KLHL1: variants seen among roughly 807,000 people sequenced by gnomAD.
The protein encoded by KLHL1 is kelch-like protein 1.
KLHL1 carries 47 observed loss-of-function variants against 77.7 expected under a neutral mutation model. The observed-to-expected ratio is 0.60, with a 90% CI of 0.48 to 0.77. The LOEUF (loss-of-function observed/expected upper bound fraction) is 0.77. Among genes scored for constraint, KLHL1 ranks in the 30% least tolerant of loss-of-function variants. The pLI is 0.00. For missense variants in KLHL1, 925 were observed against 910.8 expected (o/e 1.02, Z -0.20); for synonymous variants, 360 against 325.2 (o/e 1.11, Z -1.15).
chr13:69,921,131 A>T (rs1882619074), intron 4 of KLHL1, among the ~76,000 whole-genome samples: 2 of 152,192 alleles, frequency 1.3e-5, no homozygotes, highest in African/African-American at 4.8e-5. Context: ...ACAGAGTTGC[A>T]ATTATAATAG....
At chr13:69,771,590 C>T (rs1875565591) in intron 7 of KLHL1, among the ~76,000 whole-genome samples, 4 of 152,140 alleles carry the variant, frequency 2.6e-5, no homozygotes. Flanking sequence ...CATAGATTCA[C>T]TTTAGCCGCT....
rs1296367083 is a variant in KLHL1, at chr13:69,771,928, T to C, written c.1639+24810A>G. On this transcript the variant is annotated intron_variant, in intron 7 of 10. Coordinates refer to ENST00000377844, the MANE Select transcript of KLHL1 (RefSeq NM_020866.3). ...GTATATCTTTGTAGTATTGCAAGAC[T>C]TATCAATAAATAGTATAATAATAAT... is the stretch of plus-strand genomic sequence containing the variant. Among the ~76,000 whole-genome samples the C allele has an allele frequency of 2.0e-5, 3 of 152,160 alleles. No individual in the cohort carries two copies. The East Asian group carries it at 5.8e-4, about 29-fold the overall frequency.
intron 5 of KLHL1, among the ~76,000 whole-genome samples, chr13:69,869,502 T>C (rs975688071): frequency 2.0e-5 from 3 of 152,158 alleles, no homozygotes; most frequent in Non-Finnish European, 2.9e-5. Flanking sequence ...CTTTTAACAA[T>C]AGCAGTGTAG....
At chr13:70,058,638 A>G (rs926161354) in intron 1 of KLHL1, among the ~76,000 whole-genome samples, 1 of 152,196 alleles carries the variant, frequency 6.6e-6, no homozygotes, top group Non-Finnish European at 1.5e-5. Flanking sequence ...AAAATGTACT[A>G]CACAAGCAAT....
At chr13:69,990,747 T>C (rs556548202) in intron 1 of KLHL1, among the ~76,000 whole-genome samples, 30 of 152,056 alleles carry the variant, frequency 2.0e-4, no homozygotes, top group East Asian at 1.2e-3. Flanking sequence ...AGACAGATCA[T>C]TGAGGCAGAA....
intron 1 of KLHL1, among the ~76,000 whole-genome samples, chr13:69,991,812 C>G (rs1885036340): frequency 6.6e-6 from 1 of 151,918 alleles, no homozygotes; most frequent in South Asian, 2.1e-4. Flanking sequence ...TGAAGCCACT[C>G]AAGTGAGAGC....
At chr13:70,106,630 A>G (rs566615453) in intron 1 of KLHL1, among the ~76,000 whole-genome samples, 1 of 152,370 alleles carries the variant, frequency 6.6e-6, no homozygotes, top group East Asian at 1.9e-4. Context: ...GTGAACACAA[A>G]GTAAAAGGAC....
intron 1 of KLHL1, among the ~76,000 whole-genome samples, chr13:70,009,800 G>A (rs184383039): frequency 2.3e-4 from 35 of 152,036 alleles, no homozygotes; most frequent in Admixed American, 3.3e-4. Context: ...TTGCCAATTT[G>A]GATCCATAGT....
intron 7 of KLHL1, among the ~76,000 whole-genome samples, chr13:69,776,582 G>A (rs976488726): frequency 6.6e-6 from 1 of 152,054 alleles, no homozygotes; most frequent in African/African-American, 2.4e-5. Flanking sequence ...CATAGAGTTG[G>A]CAACTATTAG....
rs554956023 is a variant in KLHL1 at position 70,068,673 on chromosome 13, G to A, written c.497+38530C>T. On this transcript the variant is annotated intron_variant, in intron 1 of 10. Transcript: ENST00000377844. ...CTGTTTATCCCTAAAAATCTAAATC[G>A]CTTGTGGCTTTATGTTAATTCTGAT... 3.3e-5 allele frequency among the ~76,000 whole-genome samples: 5 copies of A among 152,186 alleles called. No homozygotes were observed. The East Asian group carries it at 5.8e-4, about 18-fold the overall frequency.
At chr13:69,858,163 TGTC>T (rs1879994551) in intron 5 of KLHL1, among the ~76,000 whole-genome samples, 1 of 152,008 alleles carries the variant, frequency 6.6e-6, no homozygotes, top group South Asian at 2.1e-4. Flanking sequence ...ATTTCAGCCA[TGTC>T]GTCCAGGACC....
intron 1 of KLHL1, among the ~76,000 whole-genome samples, chr13:70,073,279 A>G (rs895189239): frequency 1.2e-4 from 18 of 152,082 alleles, no homozygotes; most frequent in Non-Finnish European, 2.6e-4. Context: ...GAAACTGGAA[A>G]CCATCATTCT....
intron 1 of KLHL1, among the ~76,000 whole-genome samples, chr13:70,070,604 G>A (rs1421810235): frequency 6.6e-6 from 1 of 151,968 alleles, no homozygotes; most frequent in Non-Finnish European, 1.5e-5. Flanking sequence ...TCATAAGAAT[G>A]TTAAAGAAGT....
At chr13:69,738,229 C>A (rs1431785882) in intron 8 of KLHL1, among the ~76,000 whole-genome samples, 1 of 152,110 alleles carries the variant, frequency 6.6e-6, no homozygotes, top group Admixed American at 6.6e-5. Context: ...CCCATAAAAA[C>A]CCCATCCAAC....
intron 1 of KLHL1, among the ~76,000 whole-genome samples, chr13:70,104,334 A>T (rs1467787423): frequency 6.6e-6 from 1 of 152,112 alleles, no homozygotes; most frequent in African/African-American, 2.4e-5. Flanking sequence ...TAAGGTAAGA[A>T]AAAGGTTGGG....
rs1876421157 is a variant in KLHL1, at chr13:69,784,757, T to C, written c.1639+11981A>G. ...AATGGGAGACTTTAACACCCCACTG[T>C]CAATATTAGACAGATCAACGAGACA... On this transcript the variant is annotated intron_variant, in intron 7 of 10. Transcript: ENST00000377844. Among the ~76,000 whole-genome samples the C allele has an allele frequency of 3.3e-5, 5 of 151,808 alleles. No homozygotes were observed. The South Asian group carries it at 1.0e-3, about 32-fold the overall frequency.
chr13:69,984,661 A>C (rs1884813124), intron 1 of KLHL1, among the ~76,000 whole-genome samples: 1 of 152,064 alleles, frequency 6.6e-6, no homozygotes. Context: ...TCTTCAGGAG[A>C]GAGAGTTATT....
chr13:69,809,316 A>G (rs1877760170), intron 6 of KLHL1, among the ~76,000 whole-genome samples: 1 of 152,194 alleles, frequency 6.6e-6, no homozygotes, highest in Non-Finnish European at 1.5e-5. Context: ...AAAAAGGGTC[A>G]TATTACCTAC....
At chr13:69,827,188 T>A (rs1051030736) in intron 6 of KLHL1, among the ~76,000 whole-genome samples, 2 of 151,440 alleles carry the variant, frequency 1.3e-5, no homozygotes, top group African/African-American at 4.8e-5. Context: ...TTTTGGTATA[T>A]AAAATTAATT....
Sources: gnomAD v4.1 joint callset for allele counts (sites outside exome capture counted in the v4.1 genomes callset) on GRCh38, gnomAD v4.1.1 for gene constraint, MANE v1.5 for transcripts, NCBI Gene and HGNC (gene_info 2026-07-23, HGNC 2026-07-21) for gene names.